The following ST8SIA6 variants were observed in gnomAD, a reference collection of about 807,000 sequenced individuals.
ST8SIA6 encodes the protein ST8 alpha-N-acetyl-neuraminide alpha-2,8-sialyltransferase 6.
Under a neutral mutation model 33.6 loss-of-function variants are expected in ST8SIA6, and 39 were observed. The observed-to-expected ratio is 1.16, with a 90% CI of 0.90 to 1.52. The LOEUF (loss-of-function observed/expected upper bound fraction) is 1.52, where lower values mean the gene tolerates loss of function less well. Ranked by LOEUF, ST8SIA6 falls within the 40% of genes most tolerant of loss-of-function variation. The pLI is 0.00. For synonymous variants in ST8SIA6, 172 were observed against 167.2 expected (o/e 1.03, Z -0.22); for missense variants, 441 against 443.8 (o/e 0.99, Z 0.06).
intron 5 of ST8SIA6, among the ~76,000 whole-genome samples, chr10:17,327,684 G>A (rs1190374465): frequency 6.6e-6 from 1 of 152,058 alleles, no homozygotes; most frequent in Non-Finnish European, 1.5e-5. Flanking sequence ...AAATGAGAGA[G>A]TCACTTGAGG....
intron 3 of ST8SIA6, among the ~76,000 whole-genome samples, chr10:17,362,052 T>A (rs1849410235): frequency 6.6e-6 from 1 of 152,172 alleles, no homozygotes; most frequent in Admixed American, 6.5e-5. Context: ...TCATACTTAA[T>A]GGTGAAAGAC....
At chr10:17,390,799 G>GAAAAAA (rs60135551) in intron 2 of ST8SIA6, among the ~76,000 whole-genome samples, 179 bp from the exon 3 acceptor site, 13,616 of 139,250 alleles carry the variant, frequency 0.098, 1,096 homozygotes, top group East Asian at 0.27. Context: ...GGGTCTAAAT[G>GAAAAAA]AAAAAAAAAA....
At chr10:17,340,709 A>C (rs1166750152) in intron 4 of ST8SIA6, among the ~76,000 whole-genome samples, 1 of 152,204 alleles carries the variant, frequency 6.6e-6, no homozygotes, top group Non-Finnish European at 1.5e-5. Flanking sequence ...CATGGTGTGC[A>C]ATGGGGGAAA....
chr10:17,374,252 T>C (rs896204018), intron 3 of ST8SIA6, among the ~76,000 whole-genome samples: 4 of 151,970 alleles, frequency 2.6e-5, no homozygotes. Flanking sequence ...ACAAACAATA[T>C]ACGAATTCAA....
Position 17,325,953 on chromosome 10 carries a change from A to G in ST8SIA6, c.635+1061T>C, listed in dbSNP as rs990501466. 2.6e-5 allele frequency among the ~76,000 whole-genome samples: 4 copies of G among 152,216 alleles called. No individual in the cohort carries two copies. In the East Asian group the frequency reaches 7.7e-4, roughly 29 times the overall value. On this transcript the variant is annotated intron_variant, in intron 6 of 7. Coordinates refer to ENST00000377602, the MANE Select transcript of ST8SIA6 (RefSeq NM_001004470.3). ...GATCCTCATTACAGATGTTTTGGGAATTTTAAGCCTATAAAAAGTCTACTG... is the reference window on the plus strand; with the variant it reads ...GATCCTCATTACAGATGTTTTGGGAGTTTTAAGCCTATAAAAAGTCTACTG...
intron 3 of ST8SIA6, among the ~76,000 whole-genome samples, chr10:17,380,511 CA>C (rs1850093107): frequency 6.6e-6 from 1 of 151,784 alleles, no homozygotes; most frequent in Non-Finnish European, 1.5e-5. Flanking sequence ...GGAAAATGGC[CA>C]TCAAAAGGAA....
At chr10:17,361,444 G>T (rs1849385773) in intron 3 of ST8SIA6, among the ~76,000 whole-genome samples, 1 of 151,072 alleles carries the variant, frequency 6.6e-6, no homozygotes, top group African/African-American at 2.4e-5. Flanking sequence ...GGCCACTCAA[G>T]AAGAAATTAA....
At chr10:17,422,038 T>C (rs1224065152) in intron 2 of ST8SIA6, among the ~76,000 whole-genome samples, 1 of 151,884 alleles carries the variant, frequency 6.6e-6, no homozygotes, top group African/African-American at 2.4e-5. Context: ...ATATAGAATT[T>C]ATAATTTCAT....
chr10:17,386,175 TCACACACACACA>T (rs371809115), intron 3 of ST8SIA6, among the ~76,000 whole-genome samples: 5 of 150,184 alleles, frequency 3.3e-5, no homozygotes, highest in African/African-American at 9.8e-5. Context: ...AGTGAGACTG[TCACACACACACA>T]CACACACACA....
intron 4 of ST8SIA6, among the ~76,000 whole-genome samples, chr10:17,350,311 G>T (rs1001768778): frequency 2.0e-5 from 3 of 152,150 alleles, no homozygotes; most frequent in Admixed American, 2.0e-4. Flanking sequence ...TTTAAGAAAT[G>T]AAACAAAAAA....
chr10:17,323,100 A>G lies in ST8SIA6; in HGVS notation c.693T>C (p.Asn231=), dbSNP rs757113803. 1.2e-5 allele frequency: 19 copies of G among 1,613,674 alleles called. No homozygotes were observed. The highest frequency in any genetic ancestry group is 1.6e-4 in the Middle Eastern group (1 of 6,074). ...TGATGCTTGGATTTATAGTCACAAG[A>G]TTTGTTTTACTGCCAACATCTTTAC... is the stretch of plus-strand genomic sequence containing the variant. The part of the protein sequence containing the change: ...DVSKDVGSKT[N]LVTINPSIIT... The change falls in exon 7 of 8, where the codon AAT becomes AAC. Residue 231 remains asparagine (N), a synonymous_variant. Coordinates refer to ENST00000377602, the MANE Select transcript of ST8SIA6 (RefSeq NM_001004470.3).
chr10:17,352,849 A>G (rs1330132476), intron 4 of ST8SIA6, among the ~76,000 whole-genome samples: 1 of 152,156 alleles, frequency 6.6e-6, no homozygotes, highest in African/African-American at 2.4e-5. Flanking sequence ...AGAAGATGAT[A>G]TGACAGTATA....
intron 5 of ST8SIA6, among the ~76,000 whole-genome samples, chr10:17,328,292 G>A (rs1444975219): frequency 3.9e-5 from 6 of 152,168 alleles, no homozygotes; most frequent in East Asian, 1.9e-4. Context: ...ACCAGCCAGC[G>A]TGCTTCAGGG....
At chr10:17,334,049 A>C (rs1848423255) in intron 4 of ST8SIA6, among the ~76,000 whole-genome samples, 1 of 151,042 alleles carries the variant, frequency 6.6e-6, no homozygotes, top group African/African-American at 2.4e-5. Flanking sequence ...TAGACTTCTA[A>C]CTGGCCCTGG....
At chr10:17,385,931 A>C (rs560476952) in intron 3 of ST8SIA6, among the ~76,000 whole-genome samples, 55 of 152,288 alleles carry the variant, frequency 3.6e-4, no homozygotes, top group Admixed American at 1.1e-3. Context: ...GCCTGTAAAC[A>C]CAACACTTTG....
intron 4 of ST8SIA6, among the ~76,000 whole-genome samples, chr10:17,345,234 G>A (rs760875784): frequency 5.9e-5 from 9 of 152,216 alleles, no homozygotes; most frequent in Non-Finnish European, 1.3e-4. Flanking sequence ...TTGAGACTGA[G>A]ATGCCTGGAG....
At chr10:17,340,098 C>G (rs1848624086) in intron 4 of ST8SIA6, among the ~76,000 whole-genome samples, 1 of 152,244 alleles carries the variant, frequency 6.6e-6, no homozygotes, top group South Asian at 2.1e-4. Flanking sequence ...CTGATAAATA[C>G]AGTGAGTTCT....
At chr10:17,430,485 C>A (rs1485581455) in intron 2 of ST8SIA6, among the ~76,000 whole-genome samples, 1 of 152,190 alleles carries the variant, frequency 6.6e-6, no homozygotes, top group Non-Finnish European at 1.5e-5. Context: ...AAAAGCTGTA[C>A]TAATTTGCAT....
chr10:17,432,923 G>T (rs1342088183), intron 2 of ST8SIA6, among the ~76,000 whole-genome samples: 1 of 152,132 alleles, frequency 6.6e-6, no homozygotes, highest in African/African-American at 2.4e-5. Context: ...AGCTGTTTCT[G>T]TACCTCACTG....
Sources: gnomAD v4.1 joint callset for allele counts (sites outside exome capture counted in the v4.1 genomes callset) on GRCh38, gnomAD v4.1.1 for gene constraint, MANE v1.5 for transcripts, NCBI Gene and HGNC (gene_info 2026-07-23, HGNC 2026-07-21) for gene names.